The following MRE11 variants were observed in gnomAD, a reference collection of about 807,000 sequenced individuals.
MRE11 encodes the protein MRE11 double strand break repair nuclease.
A neutral mutation model predicts 91.7 loss-of-function variants in MRE11; 62 were observed. That is an observed-to-expected ratio of 0.68 (90% confidence interval 0.55 to 0.84). The LOEUF (loss-of-function observed/expected upper bound fraction) is 0.84. Ranked by LOEUF, MRE11 falls within the 40% of genes least tolerant of loss-of-function variation. MRE11 has a pLI of 0.00. For synonymous variants in MRE11, 273 were observed against 271.4 expected, an observed-to-expected ratio of 1.01 and a Z score of -0.06; for missense variants, 796 against 852.9, an observed-to-expected ratio of 0.93 and a Z score of 0.83.
At chr11:94,502,196 G>A in the MRE11 span, among the ~76,000 whole-genome samples, 2 of 152,158 alleles carry the variant, frequency 1.3e-5, no homozygotes, top group African/African-American at 4.8e-5. Flanking sequence ...GAACTTACAC[G>A]GATTGCCCAT....
At chr11:94,484,861 C>T (rs1168535154) in intron 4 of MRE11, among the ~76,000 whole-genome samples, 1 of 152,134 alleles carries the variant, frequency 6.6e-6, no homozygotes, top group Non-Finnish European at 1.5e-5. Flanking sequence ...CTGACATGGG[C>T]TGAAGAAATT....
At chr11:94,489,096 C>T (rs1222969267) in intron 3 of MRE11, among the ~76,000 whole-genome samples, 8 of 151,680 alleles carry the variant, frequency 5.3e-5, no homozygotes, top group African/African-American at 1.7e-4. Context: ...AGACAACAGA[C>T]AATAAACAAG....
chr11:94,457,580 G>A (rs1040393309), intron 13 of MRE11, among the ~76,000 whole-genome samples: 3 of 152,134 alleles, frequency 2.0e-5, no homozygotes, highest in Admixed American at 1.3e-4. Context: ...TACCAAAGGT[G>A]CTAAGCCATT....
At chr11:94,468,525 T>C (rs911610828) in intron 9 of MRE11, among the ~76,000 whole-genome samples, 3 of 152,208 alleles carry the variant, frequency 2.0e-5, no homozygotes, top group African/African-American at 7.2e-5. Context: ...ACTTCATAGC[T>C]GAACAATTCT....
At position 94,476,384 on chromosome 11, in the gene MRE11, C is replaced by A. The variant is rs200213865; in HGVS notation, c.564G>T (p.Arg188Ser). 1.2e-6 allele frequency: 2 copies of A among 1,610,016 alleles called. No individual in the cohort carries two copies. The highest frequency in any genetic ancestry group is 2.2e-5 in the South Asian group (2 of 90,982). ...TTTTATTGACAAACATTCGATAGAGCCTTTCATCTGGAATGGATCCTGAAA... is the reference window on the plus strand; with the variant it reads ...TTTTATTGACAAACATTCGATAGAGACTTTCATCTGGAATGGATCCTGAAA... ...LYGLGSIPDE[R>S]LYRMFVNKKV... is the part of the protein sequence containing the mutation. The change falls in exon 7 of 20, where the codon AGG (arginine) becomes AGT (serine). Residue 188 changes from arginine (R) to serine (S), a missense_variant. Physicochemically the swap from Arg to Ser is moderately radical, Grantham distance 110. Coordinates refer to ENST00000323929, the MANE Select transcript of MRE11 (RefSeq NM_005591.4).
chr11:94,448,533 T>C (rs758213518), intron 14 of MRE11, among the ~76,000 whole-genome samples: 1 of 151,072 alleles, frequency 6.6e-6, no homozygotes, highest in Admixed American at 6.6e-5. Context: ...GGGGAAGCAG[T>C]GGGGAGGGGA....
intron 4 of MRE11, among the ~76,000 whole-genome samples, chr11:94,484,352 A>G (rs1947085013): frequency 2.0e-5 from 3 of 152,368 alleles, no homozygotes; most frequent in Non-Finnish European, 2.9e-5. Flanking sequence ...TATCACAGTT[A>G]TAACTGTTGT....
Position 94,417,917 on chromosome 11 carries a change from A to G in MRE11, c.*2208T>C, listed in dbSNP as rs958459240. ...CTTGTAAATGCACTGTTGTATTTTTATGATAGGAAATAAAACACCAGAAAG... is the reference window on the plus strand; with the variant it reads ...CTTGTAAATGCACTGTTGTATTTTTGTGATAGGAAATAAAACACCAGAAAG... On this transcript the variant is annotated 3_prime_UTR_variant, in exon 20 of 20. Transcript: ENST00000323929. The G allele has an allele frequency of 8.6e-6, 2 of 232,936 alleles. No individual in the cohort carries two copies. The highest frequency in any genetic ancestry group is 4.4e-5 in the African/African-American group (2 of 45,344). 14.4% of individuals were successfully genotyped at this position (232,936 alleles called of 1,614,324 possible).
chr11:94,496,688 T>G (rs745628419), upstream of MRE11: 9 of 1,571,230 alleles, frequency 5.7e-6, no homozygotes, highest in Middle Eastern at 5.1e-4. Flanking sequence ...AGAATAGTAG[T>G]AAAAAATGGA....
rs1404488760 is a variant in MRE11 at position 94,418,677 on chromosome 11, T to G, written c.*1448A>C. The G allele has an allele frequency of 1.7e-5, 4 of 232,444 alleles. No homozygotes were observed. Among genetic ancestry groups the G allele is most frequent in the African/African-American group, 8.8e-5 (4 of 45,298 alleles). 14.4% of individuals were successfully genotyped at this position (232,444 alleles called of 1,614,324 possible). On this transcript the variant is annotated 3_prime_UTR_variant, in exon 20 of 20. Transcript: ENST00000323929. ...TTGTTCAAATACTAGAAATATTAGA[T>G]TTCAAGTTCAATAAAGATGTGGGCA...
chr11:94,490,976 AAAG>A lies in MRE11; in HGVS notation c.21-14_21-12del, dbSNP rs775697971. ...GTGTTTTCATCATCACTATATTAAG[AAAG>A]AAGAAACATTTCAATATATTAATAA... On this transcript the variant is annotated splice_polypyrimidine_tract_variant and intron_variant, in intron 2 of 19. Transcript: ENST00000323929. 35 of 1,360,786 alleles carry A rather than the reference AAAG, an allele frequency of 2.6e-5. No individual in the cohort carries two copies. Among genetic ancestry groups the A allele is most frequent in the African/African-American group, 2.3e-4 (16 of 69,350 alleles). 84.3% of individuals were successfully genotyped at this position (1,360,786 alleles called of 1,614,324 possible).
rs140202215 is a variant in MRE11 at position 94,428,615 on chromosome 11, G to T, written c.2070+1296C>A. Among the ~76,000 whole-genome samples the T allele has an allele frequency of 7.4e-4, 113 of 152,234 alleles. 2 individuals carry two copies. Among genetic ancestry groups the T allele is most frequent in the African/African-American group, 2.6e-3 (107 of 41,534 alleles). ...ACAGTGGCTCACACCTGTAATCCCA[G>T]CACTTTGGGAGGCCGAGGCAGGTGG... is the stretch of plus-strand genomic sequence containing the variant. On this transcript the variant is annotated intron_variant, in intron 19 of 19. Transcript: ENST00000323929.
the MRE11 span, among the ~76,000 whole-genome samples, chr11:94,505,110 TACA>T: frequency 6.6e-6 from 1 of 152,228 alleles, no homozygotes; most frequent in African/African-American, 2.4e-5. Flanking sequence ...TACAACTACG[TACA>T]GTACACAACA....
At chr11:94,430,258 GA>G (rs1945428718) in intron 18 of MRE11, among the ~76,000 whole-genome samples, 1 of 152,116 alleles carries the variant, frequency 6.6e-6, no homozygotes, top group Non-Finnish European at 1.5e-5. Context: ...GTAAAACGGG[GA>G]TAATGGTTTT....
upstream of MRE11, among the ~76,000 whole-genome samples, chr11:94,495,433 A>G (rs1947402141): frequency 6.6e-6 from 1 of 152,240 alleles, no homozygotes; most frequent in South Asian, 2.1e-4. Context: ...GAACAAAGTT[A>G]GAGGTGAAAT....
At chr11:94,506,686 T>C in the MRE11 span, among the ~76,000 whole-genome samples, 1 of 151,608 alleles carries the variant, frequency 6.6e-6, no homozygotes, top group Non-Finnish European at 1.5e-5. Context: ...ACTCCTGGAC[T>C]CAACTGATCC....
chr11:94,447,267 CACCTCTTCG>C lies in MRE11; in HGVS notation c.1726_1734del (p.Arg576_Gly578del). On this transcript the variant is annotated inframe_deletion, in exon 15 of 20. Transcript: ENST00000323929. Reference sequence around the variant, plus strand: ...CTCGATGCTGAATTCTGCCCTCTTCCACCTCTTCGACCTCTTCCTCGGCCTCTTCCTTTG... The same window carrying C: ...CTCGATGCTGAATTCTGCCCTCTTCCACCTCTTCCTCGGCCTCTTCCTTTG... 6.2e-7 allele frequency: 1 copy of C among 1,614,034 alleles called. No homozygotes were observed. Among genetic ancestry groups the C allele is most frequent in the Non-Finnish European group, 8.5e-7 (1 of 1,180,020 alleles).
rs1945022731 is a variant in MRE11, at chr11:94,415,888, G to GT, written c.*4236dup. 2.0e-5 allele frequency: 3 copies of GT among 152,270 alleles called. No individual in the cohort carries two copies. The highest frequency in any genetic ancestry group is 7.2e-5 in the African/African-American group (3 of 41,424). 9.4% of individuals were successfully genotyped at this position (152,270 alleles called of 1,614,324 possible). On this transcript the variant is annotated 3_prime_UTR_variant, in exon 20 of 20. Transcript: ENST00000323929. ...TGCAATGGCGTGATATCAGCTCACC[G>GT]TGACCTCCAACTCCCAGGTTCAAGC...
At chr11:94,478,518 A>C (rs1946930074) in intron 6 of MRE11, among the ~76,000 whole-genome samples, 1 of 152,208 alleles carries the variant, frequency 6.6e-6, no homozygotes, top group Non-Finnish European at 1.5e-5. Flanking sequence ...TCAGGATTCT[A>C]CACCTGAGTC....
Sources: gnomAD v4.1 joint callset for allele counts (sites outside exome capture counted in the v4.1 genomes callset) on GRCh38, gnomAD v4.1.1 for gene constraint, MANE v1.5 for transcripts, NCBI Gene and HGNC (gene_info 2026-07-23, HGNC 2026-07-21) for gene names.